Variants in MRTFA observed in about 807,000 individuals in gnomAD.
MRTFA encodes the protein myocardin related transcription factor A.
In MRTFA, 20 loss-of-function variants were observed where a neutral mutation model predicts 83.5. The ratio of observed to expected loss-of-function variants is 0.24; its 90% CI spans 0.17 to 0.35. The LOEUF (loss-of-function observed/expected upper bound fraction) is 0.35, where lower values mean the gene tolerates loss of function less well. Among genes scored for constraint, MRTFA ranks in the 10% least tolerant of loss-of-function variants. MRTFA has a pLI of 1.00. For synonymous variants in MRTFA, 659 were observed against 541.2 expected (o/e 1.22, Z -3.02); for missense variants, 1,200 against 1,224.7 (o/e 0.98, Z 0.30).
intron 3 of MRTFA, among the ~76,000 whole-genome samples, chr22:40,496,862 C>A (rs1412828354): frequency 6.6e-6 from 1 of 152,204 alleles, no homozygotes; most frequent in East Asian, 1.9e-4. Context: ...AGTCAGGAGT[C>A]CTGGTTTCCA....
At chr22:40,461,062 T>G (rs1482931232) in intron 4 of MRTFA, among the ~76,000 whole-genome samples, 1 of 151,642 alleles carries the variant, frequency 6.6e-6, no homozygotes. Flanking sequence ...TAGCCAGGCA[T>G]GATGGCTCAC....
rs770814325 is a variant in MRTFA, at chr22:40,530,144, AG to A, written c.241+21961del. 1.8e-4 allele frequency among the ~76,000 whole-genome samples: 28 copies of A among 152,186 alleles called. No homozygotes were observed. In the South Asian group the frequency reaches 2.5e-3, roughly 13 times the overall value. ...GGACTGCACTAGATGGATACACCTT[AG>A]GGCCTGTCTAGTCAAAGCCTTACAC... On this transcript the variant is annotated intron_variant, in intron 3 of 14. Coordinates refer to ENST00000355630, the MANE Select transcript of MRTFA (RefSeq NM_020831.6).
At chr22:40,493,548 G>C (rs530587985) in intron 3 of MRTFA, among the ~76,000 whole-genome samples, 1 of 152,254 alleles carries the variant, frequency 6.6e-6, no homozygotes, top group South Asian at 2.1e-4. Context: ...AAAGGAAAAG[G>C]AAAATGAAAG....
At chr22:40,541,928 A>G (rs1351811664) in intron 3 of MRTFA, among the ~76,000 whole-genome samples, 1 of 152,066 alleles carries the variant, frequency 6.6e-6, no homozygotes, top group East Asian at 1.9e-4. Context: ...GGCCTCCCAA[A>G]GCGCTGGGAT....
chr22:40,602,717 T>C (rs892597988), intron 1 of MRTFA, among the ~76,000 whole-genome samples: 1 of 150,254 alleles, frequency 6.7e-6, no homozygotes, highest in Non-Finnish European at 1.5e-5. Flanking sequence ...CGTGGTGGCA[T>C]GTGCCTGTAA....
intron 1 of MRTFA, among the ~76,000 whole-genome samples, chr22:40,630,188 T>C (rs76424875): frequency 6.6e-6 from 1 of 152,104 alleles, no homozygotes; most frequent in Non-Finnish European, 1.5e-5. Context: ...TGGTGGCACA[T>C]ACCTGTAATC....
intron 1 of MRTFA, among the ~76,000 whole-genome samples, chr22:40,599,061 G>A (rs183064263): frequency 1.2e-3 from 178 of 151,472 alleles, no homozygotes; most frequent in Non-Finnish European, 1.7e-3. Flanking sequence ...ACCTTGGGGG[G>A]CCGGGGCGGG....
chr22:40,410,673 T>TGCCAGACTGGGC lies in MRTFA; in HGVS notation c.*705_*716dup. 1 of 233,350 alleles carries TGCCAGACTGGGC rather than the reference T, an allele frequency of 4.3e-6. No individual in the cohort carries two copies. Among genetic ancestry groups the TGCCAGACTGGGC allele is most frequent in the Non-Finnish European group, 8.5e-6 (1 of 117,880 alleles). 14.5% of individuals were successfully genotyped at this position (233,350 alleles called of 1,614,324 possible). A position where few individuals can be genotyped will look rare whatever the true frequency, so the allele number is the denominator to read the frequency against. ...TGATGGGTGGGCCTGGGTAGCTGCA[T>TGCCAGACTGGGC]GCCAGACTGGGCACCAGACTGTGGC... On this transcript the variant is annotated 3_prime_UTR_variant, in exon 15 of 15. Coordinates refer to ENST00000355630, the MANE Select transcript of MRTFA (RefSeq NM_020831.6).
At chr22:40,628,905 T>G (rs2056610484) in intron 1 of MRTFA, among the ~76,000 whole-genome samples, 1 of 152,214 alleles carries the variant, frequency 6.6e-6, no homozygotes, top group Non-Finnish European at 1.5e-5. Context: ...CAATGCACCC[T>G]GACAGGTCAC....
chr22:40,479,527 T>TA (rs985728635), intron 3 of MRTFA, among the ~76,000 whole-genome samples: 3 of 152,028 alleles, frequency 2.0e-5, no homozygotes, highest in East Asian at 3.8e-4. Context: ...TAAAATAAAA[T>TA]AAAAAACATG....
chr22:40,580,751 T>C (rs1850596390), intron 2 of MRTFA, among the ~76,000 whole-genome samples: 1 of 152,174 alleles, frequency 6.6e-6, no homozygotes, highest in African/African-American at 2.4e-5. Context: ...ATACATATGT[T>C]TTCCTTAGAC....
chr22:40,497,445 G>A (rs1439738374), intron 3 of MRTFA, among the ~76,000 whole-genome samples: 1 of 152,204 alleles, frequency 6.6e-6, no homozygotes, highest in African/African-American at 2.4e-5. Flanking sequence ...AGGCTGGTGA[G>A]GAAGAGGAAA....
At chr22:40,517,576 C>T (rs958306271) in intron 3 of MRTFA, among the ~76,000 whole-genome samples, 22 of 152,100 alleles carry the variant, frequency 1.4e-4, no homozygotes, top group Non-Finnish European at 2.4e-4. Flanking sequence ...AGTTAATATA[C>T]GTAAGGAGCT....
chr22:40,478,096 C>T (rs1392285953), intron 3 of MRTFA, among the ~76,000 whole-genome samples: 1 of 152,008 alleles, frequency 6.6e-6, no homozygotes, highest in Non-Finnish European at 1.5e-5. Flanking sequence ...GCCAGAGAAA[C>T]GAGCTGCTGA....
At position 40,569,287 on chromosome 22, in the gene MRTFA, C is replaced by A. The variant is rs2055749813; in HGVS notation, c.-21-16920G>T. ...GTAGCCATTGAGCTGAGAACTGCAC[C>A]ATGGCAAAAGACATCAAGACCAAAA... On this transcript the variant is annotated intron_variant, in intron 2 of 14. Coordinates refer to ENST00000355630, the MANE Select transcript of MRTFA (RefSeq NM_020831.6). The A allele has an allele frequency of 2.5e-5, 5 of 199,008 alleles. No homozygotes were observed. The South Asian group carries it at 5.4e-4, about 21-fold the overall frequency. 12.3% of individuals were successfully genotyped at this position (199,008 alleles called of 1,614,324 possible).
intron 1 of MRTFA, among the ~76,000 whole-genome samples, chr22:40,601,427 T>A (rs935422678): frequency 1.3e-5 from 2 of 152,128 alleles, no homozygotes; most frequent in Non-Finnish European, 2.9e-5. Flanking sequence ...CAGGCTGGTG[T>A]CAAACTCCTA....
intron 5 of MRTFA, chr22:40,433,236 A>T: frequency 6.3e-6 from 1 of 158,798 alleles, no homozygotes; most frequent in Non-Finnish European, 1.4e-5. Context: ...GGAAAACCAG[A>T]GAACTTTCAG....
chr22:40,429,220 CAAG>C, intron 7 of MRTFA: 1 of 587,562 alleles, frequency 1.7e-6, no homozygotes, highest in East Asian at 2.8e-5. Context: ...GGCCAGTCTC[CAAG>C]AAGAGACTTC....
chr22:40,422,976 G>A (rs2052873282), intron 9 of MRTFA, among the ~76,000 whole-genome samples: 1 of 152,222 alleles, frequency 6.6e-6, no homozygotes, highest in Non-Finnish European at 1.5e-5. Flanking sequence ...GTGAGATCCT[G>A]GTGGCCAGGC....
Sources: gnomAD v4.1 joint callset for allele counts (sites outside exome capture counted in the v4.1 genomes callset) on GRCh38, gnomAD v4.1.1 for gene constraint, MANE v1.5 for transcripts, NCBI Gene and HGNC (gene_info 2026-07-23, HGNC 2026-07-21) for gene names.